HNF4G: variants seen among roughly 807,000 people sequenced by gnomAD.
The protein encoded by HNF4G is hepatocyte nuclear factor 4 gamma.
Under a neutral mutation model 50.9 loss-of-function variants are expected in HNF4G, and 21 were observed. The ratio of observed to expected loss-of-function variants is 0.41; its 90% confidence interval spans 0.29 to 0.59. The LOEUF (loss-of-function observed/expected upper bound fraction) is 0.59. Ranked by LOEUF, HNF4G falls within the 20% of genes least tolerant of loss-of-function variation. The probability of loss-of-function intolerance (pLI) is 0.26; values close to 1 mark genes in which losing one functional copy is unlikely to be tolerated. For synonymous variants in HNF4G, 198 were observed against 185.6 expected, an observed-to-expected ratio of 1.07 and a Z score of -0.54; for missense variants, 527 against 559.4, an observed-to-expected ratio of 0.94 and a Z score of 0.58.
chr8:75,547,084 A>G (rs977708840), intron 2 of HNF4G, among the ~76,000 whole-genome samples: 16 of 152,142 alleles, frequency 1.1e-4, no homozygotes, highest in Non-Finnish European at 1.9e-4. Flanking sequence ...CATGATGCCA[A>G]CTGTACTCTC....
intron 1 of HNF4G, among the ~76,000 whole-genome samples, chr8:75,478,939 C>G (rs547170505): frequency 3.3e-5 from 5 of 152,150 alleles, no homozygotes; most frequent in African/African-American, 4.8e-5. Context: ...TCAGGCTGGT[C>G]TCGAACTCCC....
At chr8:75,424,901 A>G (rs920966490) in intron 1 of HNF4G, among the ~76,000 whole-genome samples, 5 of 152,052 alleles carry the variant, frequency 3.3e-5, no homozygotes, top group African/African-American at 1.2e-4. Context: ...TCCTTTGAGT[A>G]CATACCTAGT....
rs535271851 is a variant in HNF4G, at chr8:75,471,521, T to G, written c.-143-18568T>G. Among the ~76,000 whole-genome samples the G allele has an allele frequency of 1.6e-4, 25 of 152,332 alleles. No individual in the cohort carries two copies. The South Asian group carries it at 4.8e-3, about 29-fold the overall frequency. On this transcript the variant is annotated intron_variant, in intron 1 of 10. Coordinates refer to the HNF4G transcript ENST00000354370. ...TTTCAAGATGCTTTCTGTTAAAGTATCTCATTTGACTCAACAGTCCTCTGA... is the reference window on the plus strand; with the variant it reads ...TTTCAAGATGCTTTCTGTTAAAGTAGCTCATTTGACTCAACAGTCCTCTGA...
intron 2 of HNF4G, among the ~76,000 whole-genome samples, 161 bp downstream of exon 2, chr8:75,544,140 A>T (rs981048858): frequency 6.6e-6 from 1 of 152,242 alleles, no homozygotes; most frequent in Admixed American, 6.5e-5. Context: ...TGTACACAGG[A>T]TGTATTCACA....
chr8:75,512,450 CTATTATTAT>C (rs67502734), intron 2 of HNF4G, among the ~76,000 whole-genome samples: 1 of 146,888 alleles, frequency 6.8e-6, no homozygotes, highest in African/African-American at 2.5e-5. Context: ...ATTACTATTA[CTATTATTAT>C]TATTATTATT....
intron 1 of HNF4G, among the ~76,000 whole-genome samples, chr8:75,541,258 T>C (rs749869137): frequency 6.6e-6 from 1 of 152,118 alleles, no homozygotes; most frequent in Non-Finnish European, 1.5e-5. Context: ...AAATAACGAT[T>C]TTGTATGGCT....
chr8:75,560,765 G>A (rs1231210170), intron 9 of HNF4G, among the ~76,000 whole-genome samples: 1 of 152,116 alleles, frequency 6.6e-6, no homozygotes, highest in Non-Finnish European at 1.5e-5. Context: ...AAACGACAAT[G>A]CAAGCTGAAA....
At chr8:75,539,218 A>C (rs1585935866), upstream of HNF4G, among the ~76,000 whole-genome samples, 1 of 152,324 alleles carries the variant, frequency 6.6e-6, no homozygotes, top group East Asian at 1.9e-4. Context: ...TTATACATGT[A>C]ACAATTATTG....
intron 1 of HNF4G, among the ~76,000 whole-genome samples, chr8:75,447,320 A>G (rs1429833221): frequency 1.2e-5 from 1 of 81,002 alleles, no homozygotes; most frequent in Non-Finnish European, 2.4e-5. Context: ...ACCTAAAACC[A>G]TAAAAACCCT....
Position 75,564,906 on chromosome 8 carries a change from C to T in HNF4G, c.*810C>T, listed in dbSNP as rs946612400. 11 of 152,220 alleles carry T rather than the reference C, an allele frequency of 7.2e-5. No individual in the cohort carries two copies. Among genetic ancestry groups the T allele is most frequent in the Admixed American group, 2.6e-4 (4 of 15,298 alleles). The allele number at this position is 152,220 out of a possible 1,614,324, so 9.4% of individuals were successfully genotyped here. On this transcript the variant is annotated 3_prime_UTR_variant, in exon 10 of 10. Transcript: ENST00000396423. ...AATTAGTACATGCCCACAGCTGGCT[C>T]CCACGGTAGCCAGGAGAATTATCTA...
chr8:75,537,045 A>G (rs1353354933), upstream of HNF4G, among the ~76,000 whole-genome samples: 1 of 152,110 alleles, frequency 6.6e-6, no homozygotes, highest in African/African-American at 2.4e-5. Context: ...TAACTAAAGT[A>G]CTCAATTTCC....
At chr8:75,518,094 C>G (rs1004858062) in intron 2 of HNF4G, among the ~76,000 whole-genome samples, 1 of 150,422 alleles carries the variant, frequency 6.6e-6, no homozygotes, top group Non-Finnish European at 1.5e-5. Context: ...CCCATTAACT[C>G]GTCATTTAGC....
rs910152629 is a variant in HNF4G, at chr8:75,563,920, G to A, written c.1247-55G>A. The A allele has an allele frequency of 9.4e-6, 15 of 1,596,372 alleles. No homozygotes were observed. The African/African-American group carries it at 1.2e-4, about 13-fold the overall frequency. On this transcript the variant is annotated intron_variant, in intron 9 of 9. Transcript: ENST00000396423. ...GTATTGGTGTTATGTAGGGTTTAAT[G>A]GGGTGAGGAAGACTGACTGCCACCA...
chr8:75,443,513 A>G (rs1363975693), intron 1 of HNF4G, among the ~76,000 whole-genome samples: 1 of 152,158 alleles, frequency 6.6e-6, no homozygotes, highest in Non-Finnish European at 1.5e-5. Flanking sequence ...TAAAATTTAA[A>G]GTATTCGATG....
chr8:75,437,171 A>G (rs1000985559), intron 1 of HNF4G, among the ~76,000 whole-genome samples: 1 of 152,260 alleles, frequency 6.6e-6, no homozygotes. Context: ...GAATATAAAA[A>G]GTCAGAGTCA....
intron 1 of HNF4G, among the ~76,000 whole-genome samples, chr8:75,469,251 G>T (rs959293755): frequency 3.0e-4 from 46 of 152,122 alleles, no homozygotes; most frequent in Non-Finnish European, 1.9e-4. Context: ...AGTCAAAGCG[G>T]TTTCAGGGCA....
chr8:75,536,182 G>C, upstream of HNF4G, among the ~76,000 whole-genome samples: 1 of 151,842 alleles, frequency 6.6e-6, no homozygotes, highest in Non-Finnish European at 1.5e-5. Flanking sequence ...AATGTTAAGA[G>C]AGATTTTCAG....
intron 2 of HNF4G, among the ~76,000 whole-genome samples, chr8:75,519,079 C>T (rs1020926088): frequency 6.6e-6 from 1 of 152,124 alleles, no homozygotes; most frequent in Non-Finnish European, 1.5e-5. Context: ...TTAGAAATTT[C>T]TCATACCAGG....
Position 75,455,328 on chromosome 8 carries a change from A to G in HNF4G, c.-143-34761A>G, listed in dbSNP as rs148801893. Among the ~76,000 whole-genome samples, 627 of 152,244 alleles carry G rather than the reference A, an allele frequency of 4.1e-3. 1 individual carries two copies. The highest frequency in any genetic ancestry group is 0.014 in the African/African-American group (591 of 41,574). ...CCTCTTCCAACTGTCTTTATCTAGA[A>G]AGATTGTATTTGTTTTTATTTAATC... On this transcript the variant is annotated intron_variant, in intron 1 of 10. Transcript: ENST00000354370.
Sources: allele counts gnomAD v4.1 joint callset (sites outside exome capture counted in the v4.1 genomes callset), GRCh38; gene constraint gnomAD v4.1.1; transcripts MANE v1.5; gene names NCBI Gene and HGNC (gene_info 2026-07-23, HGNC 2026-07-21).